Variants in HYAL4 observed in about 807,000 individuals in gnomAD.
HYAL4 encodes hyaluronidase 4.
HYAL4 carries 37 observed loss-of-function variants against 35.2 expected under a neutral mutation model. The ratio of observed to expected loss-of-function variants is 1.05; its 90% CI spans 0.81 to 1.38. HYAL4 has a LOEUF of 1.38. HYAL4 is among the 40% of genes most tolerant of loss of function. The pLI is 0.00. For synonymous variants in HYAL4, 198 were observed against 203.2 expected (o/e 0.97, Z 0.22); for missense variants, 572 against 572.4 (o/e 1.00, Z 0.01).
chr7:123,800,476 T>TAAA, the HYAL4 span, among the ~76,000 whole-genome samples: 1 of 120,334 alleles, frequency 8.3e-6, no homozygotes, highest in Non-Finnish European at 1.8e-5. Context: ...GCCTGAAAAT[T>TAAA]AAAAAAAAAA....
chr7:123,804,687 G>A, the HYAL4 span, among the ~76,000 whole-genome samples: 1 of 152,090 alleles, frequency 6.6e-6, no homozygotes, highest in African/African-American at 2.4e-5. Flanking sequence ...ATTAGACCTT[G>A]AACTTCTTGG....
At chr7:123,828,509 A>C (rs1037854445), upstream of HYAL4, among the ~76,000 whole-genome samples, 15 of 151,726 alleles carry the variant, frequency 9.9e-5, no homozygotes, top group African/African-American at 3.4e-4. Flanking sequence ...GAGAATTGTT[A>C]TCTCTTCAGA....
upstream of HYAL4, among the ~76,000 whole-genome samples, chr7:123,824,670 C>T (rs949808794): frequency 6.6e-6 from 1 of 152,018 alleles, no homozygotes; most frequent in Non-Finnish European, 1.5e-5. Context: ...TACTTCTTCC[C>T]CAGAAGTACC....
chr7:123,771,162 T>G, the HYAL4 span, among the ~76,000 whole-genome samples: 1 of 152,182 alleles, frequency 6.6e-6, no homozygotes, highest in Non-Finnish European at 1.5e-5. Context: ...ATATGTTTCC[T>G]TTCCTGATAT....
At chr7:123,781,873 T>C in the HYAL4 span, among the ~76,000 whole-genome samples, 1 of 152,272 alleles carries the variant, frequency 6.6e-6, no homozygotes, top group South Asian at 2.1e-4. Flanking sequence ...AGTGCTAGTC[T>C]AGAACCTGGG....
chr7:123,873,553 CCACCAAAT>C (rs1444947768), intron 3 of HYAL4, among the ~76,000 whole-genome samples: 2 of 152,098 alleles, frequency 1.3e-5, no homozygotes, highest in Non-Finnish European at 2.9e-5. Context: ...CTTTTATTTT[CCACCAAAT>C]CACCTAATAA....
the HYAL4 span, among the ~76,000 whole-genome samples, chr7:123,798,142 T>A: frequency 2.0e-5 from 3 of 152,226 alleles, no homozygotes; most frequent in African/African-American, 7.2e-5. Flanking sequence ...GACTCTGTAA[T>A]GCAATAGGAA....
chr7:123,853,473 C>T (rs1754048396), intron 2 of HYAL4, among the ~76,000 whole-genome samples: 1 of 152,180 alleles, frequency 6.6e-6, no homozygotes, highest in Admixed American at 6.5e-5. Flanking sequence ...TTTTCGGCAT[C>T]TATTGAGATA....
At chr7:123,849,457 C>A (rs1352591669) in intron 2 of HYAL4, among the ~76,000 whole-genome samples, 2 of 151,868 alleles carry the variant, frequency 1.3e-5, no homozygotes, top group Non-Finnish European at 2.9e-5. Context: ...CCCACCACCA[C>A]GTCTGGCTAA....
intron 1 of HYAL4, chr7:123,829,385 A>G (rs1436194754): frequency 2.0e-5 from 3 of 151,988 alleles, no homozygotes; most frequent in East Asian, 1.9e-4. Context: ...TACAATGCCA[A>G]TTTTTTCTTG....
the HYAL4 span, among the ~76,000 whole-genome samples, chr7:123,820,583 CAA>C: frequency 1.2e-4 from 14 of 113,370 alleles, no homozygotes; most frequent in Non-Finnish European, 1.3e-4. Flanking sequence ...AACTCCATCT[CAA>C]AAAAAAAAAA....
At chr7:123,770,279 A>G in the HYAL4 span, among the ~76,000 whole-genome samples, 3 of 152,070 alleles carry the variant, frequency 2.0e-5, no homozygotes, top group African/African-American at 7.2e-5. Flanking sequence ...CGTCTCTACT[A>G]AAAATACAAA....
At chr7:123,817,691 G>T in the HYAL4 span, among the ~76,000 whole-genome samples, 9 of 151,124 alleles carry the variant, frequency 6.0e-5, no homozygotes, top group African/African-American at 2.2e-4. Flanking sequence ...TGTATTTTTA[G>T]TAGAGACAGG....
chr7:123,863,810 T>G (rs1806629760), intron 2 of HYAL4, among the ~76,000 whole-genome samples: 1 of 152,196 alleles, frequency 6.6e-6, no homozygotes, highest in African/African-American at 2.4e-5. Flanking sequence ...ACTCACAGTT[T>G]CTGAATGCCA....
the HYAL4 span, among the ~76,000 whole-genome samples, chr7:123,789,145 A>C: frequency 6.6e-6 from 1 of 152,350 alleles, no homozygotes; most frequent in East Asian, 1.9e-4. Context: ...GATAAAAGCT[A>C]TGATTTATCA....
chr7:123,810,766 A>G, the HYAL4 span, among the ~76,000 whole-genome samples: 1 of 152,174 alleles, frequency 6.6e-6, no homozygotes, highest in Admixed American at 6.5e-5. Flanking sequence ...ATCCACCATT[A>G]AAGTATTACA....
At chr7:123,770,873 G>A in the HYAL4 span, among the ~76,000 whole-genome samples, 1 of 152,232 alleles carries the variant, frequency 6.6e-6, no homozygotes, top group Admixed American at 6.5e-5. Context: ...TATAGTCCGT[G>A]AAAGGCAAAA....
intron 2 of HYAL4, among the ~76,000 whole-genome samples, chr7:123,866,609 C>G (rs939265419): frequency 1.3e-5 from 2 of 152,150 alleles, no homozygotes; most frequent in Admixed American, 6.5e-5. Flanking sequence ...AATGCATTTT[C>G]ATCTTAATGA....
At chr7:123,839,757 G>A (rs1806023171) in intron 1 of HYAL4, among the ~76,000 whole-genome samples, 1 of 152,144 alleles carries the variant, frequency 6.6e-6, no homozygotes, top group East Asian at 1.9e-4. Flanking sequence ...ACTTTTTCAT[G>A]TGTCTGATGG....
Sources: allele counts gnomAD v4.1 joint callset (sites outside exome capture counted in the v4.1 genomes callset), GRCh38; gene constraint gnomAD v4.1.1; transcripts MANE v1.5; gene names NCBI Gene and HGNC (gene_info 2026-07-23, HGNC 2026-07-21).